RUNX1T1: variants seen among roughly 807,000 people sequenced by gnomAD.
RUNX1T1 encodes the protein RUNX1 partner transcriptional co-repressor 1, also known as protein CBFA2T1.
RUNX1T1 carries 4 observed loss-of-function variants against 62.8 expected under a neutral mutation model. The observed-to-expected ratio is 0.06, with a 90% confidence interval of 0.03 to 0.15. The LOEUF (loss-of-function observed/expected upper bound fraction) is 0.15, where lower values mean the gene tolerates loss of function less well. Among genes scored for constraint, RUNX1T1 ranks in the 10% least tolerant of loss-of-function variants. The probability of loss-of-function intolerance (pLI) is 1.00; values close to 1 mark genes in which losing one functional copy is unlikely to be tolerated. For synonymous variants in RUNX1T1, 291 were observed against 286.0 expected, an observed-to-expected ratio of 1.02 and a Z score of -0.18; for missense variants, 508 against 754.3, an observed-to-expected ratio of 0.67 and a Z score of 3.82.
chr8:91,970,693 G>T, exon 10 of RUNX1T1: 1 of 1,612,142 alleles, frequency 6.2e-7, no homozygotes, highest in Non-Finnish European at 8.5e-7. Flanking sequence ...ATAACTGCCA[G>T]TGCGTCCTCC....
intron 8 of RUNX1T1, among the ~76,000 whole-genome samples, chr8:91,985,823 T>C (rs184118879): frequency 6.6e-5 from 10 of 152,174 alleles, no homozygotes; most frequent in Non-Finnish European, 1.0e-4. Context: ...TTTTGCTGTT[T>C]TGAGGCATTA....
chr8:92,018,010 A>G (rs1282877695), intron 1 of RUNX1T1, among the ~76,000 whole-genome samples: 1 of 152,238 alleles, frequency 6.6e-6, no homozygotes, highest in African/African-American at 2.4e-5. Flanking sequence ...CCATTTTAAA[A>G]GCATGAAACC....
rs749821731 is a variant in RUNX1T1 at position 91,986,341 on chromosome 8, G to A, written c.997-16C>T. On this transcript the variant is annotated splice_polypyrimidine_tract_variant and intron_variant, in intron 7 of 10. Transcript: ENST00000396218. Reference sequence around the variant, plus strand: ...AGTTTAACAGCTATTTGGGAAAGGGGAGAATAGGGAAGAGCATATAAATCA... The same window carrying A: ...AGTTTAACAGCTATTTGGGAAAGGGAAGAATAGGGAAGAGCATATAAATCA... 2 of 1,571,414 alleles carry A rather than the reference G, an allele frequency of 1.3e-6. No individual in the cohort carries two copies. The highest frequency in any genetic ancestry group is 1.1e-5 in the South Asian group (1 of 90,194).
chr8:92,066,045 G>C (rs891727600), upstream of RUNX1T1, among the ~76,000 whole-genome samples: 7 of 152,140 alleles, frequency 4.6e-5, no homozygotes, highest in Middle Eastern at 3.2e-3. Flanking sequence ...TTTAAGCAGG[G>C]CTGCATTAAC....
intron 1 of RUNX1T1, among the ~76,000 whole-genome samples, chr8:92,022,256 GACAA>G (rs1387200234): frequency 6.6e-6 from 1 of 152,002 alleles, no homozygotes; most frequent in Non-Finnish European, 1.5e-5. Flanking sequence ...CATGGTAAAA[GACAA>G]ACACACACCA....
chr8:92,029,340 G>GGATA (rs1440820028), intron 1 of RUNX1T1, among the ~76,000 whole-genome samples: 1 of 152,132 alleles, frequency 6.6e-6, no homozygotes, highest in East Asian at 1.9e-4. Flanking sequence ...CAGGAGTACT[G>GGATA]GATAGCAATA....
At chr8:91,959,163 A>T (rs1245236181) in exon 11 of RUNX1T1, 3 of 204,556 alleles carry the variant, frequency 1.5e-5, no homozygotes, top group Non-Finnish European at 2.9e-5. Context: ...TTTTAACACC[A>T]AGAGAACTAC....
intron 1 of RUNX1T1, among the ~76,000 whole-genome samples, chr8:92,023,113 C>CT (rs1410833886): frequency 6.6e-6 from 1 of 152,164 alleles, no homozygotes; most frequent in Non-Finnish European, 1.5e-5. Context: ...AGGAGGTCTA[C>CT]TGAAGAGGTT....
intron 2 of RUNX1T1, among the ~76,000 whole-genome samples, chr8:92,069,963 TTA>T (rs1196832360): frequency 6.6e-6 from 1 of 152,216 alleles, no homozygotes; most frequent in Non-Finnish European, 1.5e-5. Flanking sequence ...CCACAATTAG[TTA>T]TATGTTTTCC....
intron 8 of RUNX1T1, chr8:91,979,963 A>G (rs1029245085): frequency 4.7e-6 from 2 of 424,452 alleles, no homozygotes; most frequent in African/African-American, 4.1e-5. Flanking sequence ...TGTGATCATG[A>G]TAATATCTAT....
At chr8:92,020,744 C>T (rs1823921310) in intron 1 of RUNX1T1, among the ~76,000 whole-genome samples, 1 of 151,414 alleles carries the variant, frequency 6.6e-6, no homozygotes, top group African/African-American at 2.4e-5. Context: ...ACAAATGTGG[C>T]ATATATTAAT....
At chr8:91,970,872 A>G in intron 9 of RUNX1T1, 24 bp from the exon 11 acceptor site, 2 of 1,562,836 alleles carry the variant, frequency 1.3e-6, no homozygotes, top group African/African-American at 2.7e-5. Context: ...AGGCCAAACC[A>G]GACAAGAAAA....
intron 10 of RUNX1T1, among the ~76,000 whole-genome samples, chr8:91,965,101 T>A (rs1811298983): frequency 6.6e-6 from 1 of 152,124 alleles, no homozygotes; most frequent in African/African-American, 2.4e-5. Flanking sequence ...GTAGATACAG[T>A]CCTTGCTCCA....
chr8:92,092,352 C>T (rs529457405), intron 1 of RUNX1T1, among the ~76,000 whole-genome samples: 2 of 152,284 alleles, frequency 1.3e-5, no homozygotes, highest in East Asian at 3.9e-4. Context: ...CTATGTGGTG[C>T]TTTCCCTGTC....
intron 4 of RUNX1T1, chr8:92,005,873 G>A (rs1002043896): frequency 2.6e-5 from 4 of 152,150 alleles, no homozygotes; most frequent in Admixed American, 6.5e-5. Flanking sequence ...GTTAAGTAAT[G>A]GCCTGGGTAC....
intron 5 of RUNX1T1, among the ~76,000 whole-genome samples, chr8:91,999,389 C>A (rs1362067735): frequency 6.6e-6 from 1 of 152,144 alleles, no homozygotes; most frequent in East Asian, 1.9e-4. Flanking sequence ...GTGTTTCTGC[C>A]TGCAAAATGG....
intron 1 of RUNX1T1, among the ~76,000 whole-genome samples, chr8:92,081,543 T>G (rs1165928840): frequency 9.9e-5 from 15 of 151,712 alleles, no homozygotes; most frequent in African/African-American, 2.2e-4. Flanking sequence ...GTAGTTTTTT[T>G]TTTTTTTTTT....
At chr8:92,031,078 C>A (rs138380892) in intron 1 of RUNX1T1, among the ~76,000 whole-genome samples, 2 of 152,322 alleles carry the variant, frequency 1.3e-5, no homozygotes, top group African/African-American at 4.8e-5. Flanking sequence ...TTCCACTGAG[C>A]TAACCAAGCC....
At chr8:91,980,669 A>G (rs531155583) in intron 8 of RUNX1T1, among the ~76,000 whole-genome samples, 5 of 152,148 alleles carry the variant, frequency 3.3e-5, no homozygotes, top group African/African-American at 1.2e-4. Context: ...TTATGTTTTA[A>G]ATTTTTTAAT....
Sources: allele counts gnomAD v4.1 joint callset (sites outside exome capture counted in the v4.1 genomes callset), GRCh38; gene constraint gnomAD v4.1.1; transcripts MANE v1.5; gene names NCBI Gene and HGNC (gene_info 2026-07-23, HGNC 2026-07-21).